Variants in FOXJ3 observed in about 807,000 individuals in gnomAD.
FOXJ3 encodes the protein forkhead box J3.
FOXJ3 carries 22 observed loss-of-function variants against 76.1 expected under a neutral mutation model. The ratio of observed to expected loss-of-function variants is 0.29; its 90% CI spans 0.21 to 0.41. The LOEUF (loss-of-function observed/expected upper bound fraction) is 0.41. Ranked by LOEUF, FOXJ3 falls within the 10% of genes least tolerant of loss-of-function variation. FOXJ3 has a pLI of 1.00. For missense variants in FOXJ3, 613 were observed against 762.1 expected (o/e 0.80, Z 2.30); for synonymous variants, 269 against 261.2 (o/e 1.03, Z -0.29).
intron 4 of FOXJ3, among the ~76,000 whole-genome samples, chr1:42,234,576 T>C (rs1012005941): frequency 5.3e-5 from 8 of 152,194 alleles, no homozygotes; most frequent in Non-Finnish European, 8.8e-5. Context: ...AGATGGGGTT[T>C]TGGTGTGGAT....
intron 4 of FOXJ3, among the ~76,000 whole-genome samples, chr1:42,237,191 C>G (rs943851539): frequency 6.6e-6 from 1 of 151,626 alleles, no homozygotes; most frequent in South Asian, 2.1e-4. Flanking sequence ...CTGGCTAACA[C>G]GGTAAAACCC....
intron 3 of FOXJ3, among the ~76,000 whole-genome samples, chr1:42,273,737 A>C (rs1652046552): frequency 6.6e-6 from 1 of 151,816 alleles, no homozygotes; most frequent in South Asian, 2.1e-4. Context: ...AGATATTCCA[A>C]ATTAGTACTC....
chr1:42,285,678 T>C (rs948839671), intron 2 of FOXJ3, among the ~76,000 whole-genome samples: 32 of 151,594 alleles, frequency 2.1e-4, no homozygotes, highest in African/African-American at 7.7e-4. Context: ...GTAAGATTCC[T>C]TGAAAGACCA....
intron 1 of FOXJ3, among the ~76,000 whole-genome samples, chr1:42,329,353 T>C (rs1656022771): frequency 6.6e-6 from 1 of 152,230 alleles, no homozygotes. Context: ...TCAATCTCTT[T>C]AACCAAAACA....
Position 42,287,336 on chromosome 1 carries a change from T to G in FOXJ3, c.45-8664A>C, listed in dbSNP as rs190043851. ...GCCTGGGTGACAGAGTGAGACTCCA[T>G]CTTAAAAAAAAATAAAAGTTTTAAC... On this transcript the variant is annotated intron_variant, in intron 2 of 12. Coordinates refer to ENST00000361346, the MANE Select transcript of FOXJ3 (RefSeq NM_014947.5). 1.4e-4 allele frequency among the ~76,000 whole-genome samples: 21 copies of G among 152,058 alleles called. No individual in the cohort carries two copies. The East Asian group carries it at 4.1e-3, about 30-fold the overall frequency.
intron 4 of FOXJ3, among the ~76,000 whole-genome samples, chr1:42,260,946 A>C (rs1650984939): frequency 6.6e-6 from 1 of 152,218 alleles, no homozygotes. Flanking sequence ...ATTAGAGCCC[A>C]CTGCTACTAA....
chr1:42,313,761 C>T (rs1161941770), intron 1 of FOXJ3, among the ~76,000 whole-genome samples: 2 of 152,144 alleles, frequency 1.3e-5, no homozygotes, highest in Admixed American at 1.3e-4. Context: ...AGACAACCTG[C>T]CTCTGGGTCA....
chr1:42,242,647 G>A (rs1649239479), intron 4 of FOXJ3, among the ~76,000 whole-genome samples: 1 of 151,678 alleles, frequency 6.6e-6, no homozygotes, highest in African/African-American at 2.4e-5. Context: ...CTGCCCAGGT[G>A]ACCAAGGACA....
At chr1:42,295,908 T>C (rs887431084) in intron 2 of FOXJ3, among the ~76,000 whole-genome samples, 1 of 152,230 alleles carries the variant, frequency 6.6e-6, no homozygotes, top group African/African-American at 2.4e-5. Context: ...AAGGTAGTTC[T>C]ATTTTTAGTT....
At chr1:42,330,355 G>C (rs1656082655) in intron 1 of FOXJ3, among the ~76,000 whole-genome samples, 1 of 152,162 alleles carries the variant, frequency 6.6e-6, no homozygotes, top group Admixed American at 6.5e-5. Context: ...GAAAATCAGT[G>C]GGCTGACTGC....
At chr1:42,187,009 G>A (rs1397575822) in intron 11 of FOXJ3, among the ~76,000 whole-genome samples, 2 of 152,126 alleles carry the variant, frequency 1.3e-5, no homozygotes, top group East Asian at 1.9e-4. Context: ...CACCAGGTCC[G>A]GCTAATTTTT....
chr1:42,327,933 C>T (rs1471009761), intron 1 of FOXJ3, among the ~76,000 whole-genome samples: 6 of 152,132 alleles, frequency 3.9e-5, no homozygotes, highest in African/African-American at 1.4e-4. Context: ...TCTATGGAAT[C>T]CACAGACTCT....
chr1:42,273,197 T>C (rs892843480), intron 3 of FOXJ3, among the ~76,000 whole-genome samples: 9 of 152,208 alleles, frequency 5.9e-5, no homozygotes, highest in South Asian at 2.1e-4. Flanking sequence ...GCACTCTGGA[T>C]TCCTCTATTA....
At chr1:42,280,215 C>T (rs7549791) in intron 2 of FOXJ3, 487,034 of 659,380 alleles carry the variant, frequency 0.74, 180,121 homozygotes, top group Admixed American at 0.81. Context: ...GGGAGGGCAC[C>T]AATGCACTAT....
intron 1 of FOXJ3, among the ~76,000 whole-genome samples, chr1:42,322,258 C>A (rs988997927): frequency 1.3e-5 from 2 of 151,970 alleles, no homozygotes; most frequent in Non-Finnish European, 1.5e-5. Flanking sequence ...CAACTAAAAA[C>A]CAACTGTAAA....
chr1:42,206,117 A>G (rs930583731), intron 5 of FOXJ3: 3 of 385,402 alleles, frequency 7.8e-6, no homozygotes, highest in African/African-American at 6.3e-5. Flanking sequence ...AATTACAAAT[A>G]AACTTCTGTA....
At chr1:42,293,572 C>CA (rs977321619) in intron 2 of FOXJ3, among the ~76,000 whole-genome samples, 253 of 151,584 alleles carry the variant, frequency 1.7e-3, no homozygotes, top group South Asian at 0.014. Context: ...ATATCAATAG[C>CA]AAAAAAAAAT....
chr1:42,318,385 A>C (rs1000846254), intron 1 of FOXJ3, among the ~76,000 whole-genome samples: 5 of 152,228 alleles, frequency 3.3e-5, no homozygotes, highest in African/African-American at 1.2e-4. Flanking sequence ...CTTGTCACCC[A>C]GACTGGAGTG....
chr1:42,204,478 C>A (rs1342909420), intron 6 of FOXJ3, among the ~76,000 whole-genome samples: 4 of 152,124 alleles, frequency 2.6e-5, no homozygotes, highest in Non-Finnish European at 4.4e-5. Flanking sequence ...TCCTAGTAAC[C>A]ACACTATCAT....
Sources: gnomAD v4.1 joint callset for allele counts (sites outside exome capture counted in the v4.1 genomes callset) on GRCh38, gnomAD v4.1.1 for gene constraint, MANE v1.5 for transcripts, NCBI Gene and HGNC (gene_info 2026-07-23, HGNC 2026-07-21) for gene names.